METTL16: variants seen among roughly 807,000 people sequenced by gnomAD.
METTL16 encodes RNA N(6)-adenosine-methyltransferase METTL16.
A neutral mutation model predicts 57.9 loss-of-function variants in METTL16; 19 were observed. The observed-to-expected ratio is 0.33, with a 90% CI of 0.23 to 0.48. METTL16 has a LOEUF of 0.48. Ranked by LOEUF, METTL16 falls within the 20% of genes least tolerant of loss-of-function variation. The pLI, the probability that METTL16 is intolerant of heterozygous loss-of-function variation, is 0.99. For missense variants in METTL16, 434 were observed against 691.5 expected, an observed-to-expected ratio of 0.63 and a Z score of 4.18; for synonymous variants, 246 against 255.6, an observed-to-expected ratio of 0.96 and a Z score of 0.36.
At chr17:2,438,239 T>G in intron 7 of METTL16, 41 bp from the exon 8 acceptor site, 1 of 1,420,352 alleles carries the variant, frequency 7.0e-7, no homozygotes, top group Non-Finnish European at 1.0e-6. Context: ...ACTGCAATCA[T>G]TCTACCAATA....
chr17:2,467,726 TA>T lies in METTL16; in HGVS notation c.585+34del, dbSNP rs1567896337. ...CAGGCGTGAGCCACCGCGCCCAGCC[TA>T]TATTCAATTATTTTAAAGCAGAAGA... On this transcript the variant is annotated intron_variant, in intron 5 of 9. Transcript: ENST00000263092. 3 of 1,542,330 alleles carry T rather than the reference TA, an allele frequency of 1.9e-6. No individual in the cohort carries two copies. In the South Asian group the frequency reaches 3.3e-5, roughly 17 times the overall value.
At chr17:2,454,792 G>A (rs533687724) in intron 6 of METTL16, among the ~76,000 whole-genome samples, 2 of 151,888 alleles carry the variant, frequency 1.3e-5, no homozygotes, top group East Asian at 3.9e-4. Context: ...TTGAACTCCC[G>A]ACCTCTGGTG....
chr17:2,492,912 A>AC (rs374096396), intron 2 of METTL16, among the ~76,000 whole-genome samples: 20,027 of 143,318 alleles, frequency 0.14, 1,867 homozygotes, highest in East Asian at 0.33. Flanking sequence ...AAAAAAAAAA[A>AC]AAAACAACAA....
At chr17:2,423,984 T>C (rs548489453) in intron 8 of METTL16, among the ~76,000 whole-genome samples, 1 of 152,322 alleles carries the variant, frequency 6.6e-6, no homozygotes, top group Non-Finnish European at 1.5e-5. Context: ...AAAACTTCCC[T>C]CTCTCAAATA....
intron 8 of METTL16, among the ~76,000 whole-genome samples, chr17:2,428,257 A>G (rs113728768): frequency 7.9e-4 from 120 of 152,060 alleles, no homozygotes; most frequent in African/African-American, 2.6e-3. Flanking sequence ...GGTTGATTCC[A>G]GATCTGAGAG....
chr17:2,509,959 C>A (rs2067575888), intron 1 of METTL16, among the ~76,000 whole-genome samples: 1 of 151,144 alleles, frequency 6.6e-6, no homozygotes, highest in African/African-American at 2.4e-5. Context: ...TGCCTGTAAT[C>A]CCAGCTACTC....
chr17:2,507,505 G>A (rs2067552730), intron 1 of METTL16, among the ~76,000 whole-genome samples: 6 of 146,424 alleles, frequency 4.1e-5, no homozygotes, highest in Admixed American at 1.4e-4. Context: ...AGGGAGGTGG[G>A]GGGGTCAGCC....
At chr17:2,464,090 T>C in intron 6 of METTL16, 118 bp downstream of exon 6, 2 of 1,113,040 alleles carry the variant, frequency 1.8e-6, no homozygotes, top group Non-Finnish European at 2.5e-6. Flanking sequence ...GCCACTGCAC[T>C]CCAGCCTGGC....
intron 5 of METTL16, among the ~76,000 whole-genome samples, chr17:2,467,250 C>G (rs563001111): frequency 2.0e-5 from 3 of 152,182 alleles, no homozygotes. Context: ...CTGCAGCACA[C>G]GCCTATGGCC....
intron 2 of METTL16, among the ~76,000 whole-genome samples, chr17:2,497,991 G>C (rs1328853948): frequency 2.0e-5 from 3 of 151,444 alleles, no homozygotes; most frequent in Non-Finnish European, 2.9e-5. Context: ...TCAGGAGATC[G>C]AGACCATCGT....
intron 8 of METTL16, among the ~76,000 whole-genome samples, chr17:2,428,379 C>T (rs1168691771): frequency 6.6e-6 from 1 of 150,404 alleles, no homozygotes; most frequent in Non-Finnish European, 1.5e-5. Context: ...ATAAATTCTC[C>T]ATGGCCAAAG....
chr17:2,446,677 C>T (rs112631528), intron 6 of METTL16, among the ~76,000 whole-genome samples: 1,713 of 152,130 alleles, frequency 0.011, 37 homozygotes, highest in African/African-American at 0.038. Context: ...CTGGACGGTG[C>T]TGCTGCCATC....
At chr17:2,477,661 C>A (rs762350277) in intron 3 of METTL16, 25 bp downstream of exon 3, 2 of 1,566,244 alleles carry the variant, frequency 1.3e-6, no homozygotes, top group Non-Finnish European at 1.8e-6. Flanking sequence ...ACTGTTTAGC[C>A]AAAAAAGAAT....
chr17:2,461,226 G>A (rs1237327681), intron 6 of METTL16, among the ~76,000 whole-genome samples: 9 of 152,136 alleles, frequency 5.9e-5, no homozygotes, highest in East Asian at 1.9e-4. Context: ...GCGTGGTGGC[G>A]CGTGCCTGTA....
intron 8 of METTL16, among the ~76,000 whole-genome samples, chr17:2,422,468 CCTCCGGTTT>C (rs1245499730): frequency 2.6e-5 from 4 of 152,028 alleles, no homozygotes; most frequent in South Asian, 2.1e-4. Flanking sequence ...GCAACCTCCA[CCTCCGGTTT>C]CAAGCGATTC....
chr17:2,504,641 A>G (rs1845563294), intron 1 of METTL16, among the ~76,000 whole-genome samples: 1 of 152,150 alleles, frequency 6.6e-6, no homozygotes, highest in South Asian at 2.1e-4. Flanking sequence ...CTGCAGCCTC[A>G]ATCTCCCATG....
intron 8 of METTL16, among the ~76,000 whole-genome samples, chr17:2,432,089 C>T (rs947769348): frequency 1.3e-5 from 2 of 152,046 alleles, no homozygotes; most frequent in Admixed American, 6.5e-5. Flanking sequence ...GGACTATAGG[C>T]GCGCACCACC....
chr17:2,458,334 G>C (rs1375512425), intron 6 of METTL16, among the ~76,000 whole-genome samples: 3 of 151,980 alleles, frequency 2.0e-5, no homozygotes, highest in Non-Finnish European at 4.4e-5. Flanking sequence ...GCCATAAAGG[G>C]CATCAGTTAT....
At chr17:2,447,646 C>T (rs2067014562) in intron 6 of METTL16, among the ~76,000 whole-genome samples, 2 of 130,998 alleles carry the variant, frequency 1.5e-5, no homozygotes, top group African/African-American at 6.5e-5. Context: ...GCCCGGCCGC[C>T]CCTACTGGGA....
Sources: gnomAD v4.1 joint callset for allele counts (sites outside exome capture counted in the v4.1 genomes callset) on GRCh38, gnomAD v4.1.1 for gene constraint, MANE v1.5 for transcripts, NCBI Gene and HGNC (gene_info 2026-07-23, HGNC 2026-07-21) for gene names.